Variants in PDZRN4 observed in about 807,000 individuals in gnomAD.
PDZRN4 encodes PDZ domain-containing RING finger protein 4.
A neutral mutation model predicts 99.0 loss-of-function variants in PDZRN4; 70 were observed. The observed-to-expected ratio is 0.71, with a 90% confidence interval of 0.58 to 0.86. The LOEUF is 0.86. Among genes scored for constraint, PDZRN4 ranks in the 40% least tolerant of loss-of-function variants. The probability of loss-of-function intolerance (pLI) is 0.00; values close to 1 mark genes in which losing one functional copy is unlikely to be tolerated. For synonymous variants in PDZRN4, 551 were observed against 501.6 expected (o/e 1.10, Z -1.32); for missense variants, 1,474 against 1,331.2 (o/e 1.11, Z -1.67).
intron 3 of PDZRN4, among the ~76,000 whole-genome samples, chr12:41,219,879 A>G (rs186136615): frequency 6.6e-6 from 1 of 152,246 alleles, no homozygotes; most frequent in Non-Finnish European, 1.5e-5. Flanking sequence ...TATAACCAAC[A>G]ACATTAATTG....
At chr12:41,192,091 T>A (rs1950739389) in intron 2 of PDZRN4, among the ~76,000 whole-genome samples, 2 of 152,168 alleles carry the variant, frequency 1.3e-5, no homozygotes, top group African/African-American at 4.8e-5. Flanking sequence ...CTGATTTTAT[T>A]ATTTTTTAAT....
At chr12:41,368,969 A>C (rs1049740632) in intron 3 of PDZRN4, among the ~76,000 whole-genome samples, 3 of 152,118 alleles carry the variant, frequency 2.0e-5, no homozygotes, top group African/African-American at 7.2e-5. Context: ...CCAATCTTGA[A>C]GGTAACTTTC....
chr12:41,261,473 T>A (rs1241792849), intron 3 of PDZRN4, among the ~76,000 whole-genome samples: 4 of 151,404 alleles, frequency 2.6e-5, no homozygotes, highest in Admixed American at 2.0e-4. Context: ...GGCAAAGTAG[T>A]TCTATTTCTC....
rs758928103 is a variant in PDZRN4, at chr12:41,552,763, C to G, written c.1302+9C>G. The stretch of plus-strand genomic sequence containing the variant: ...GCATTTATGTCAGCGAGGTAAGAAA[C>G]GCCATGGAGGGGAAATTCGAGGAGG... On this transcript the variant is annotated intron_variant, in intron 6 of 9. Coordinates refer to ENST00000402685, the MANE Select transcript of PDZRN4 (RefSeq NM_001164595.2). 6.2e-7 allele frequency: 1 copy of G among 1,604,598 alleles called. No homozygotes were observed. Among genetic ancestry groups the G allele is most frequent in the Non-Finnish European group, 8.5e-7 (1 of 1,171,698 alleles).
Position 41,188,847 on chromosome 12 carries a change from G to A in PDZRN4, c.392G>A (p.Gly131Glu), listed in dbSNP as rs1247232167. 2.4e-6 allele frequency: 3 copies of A among 1,263,544 alleles called. No individual in the cohort carries two copies. The highest frequency in any genetic ancestry group is 3.0e-6 in the Non-Finnish European group (3 of 1,005,570). The allele number at this position is 1,263,544 out of a possible 1,614,324, so 78.3% of individuals were successfully genotyped here. The change falls in exon 1 of 10, where the codon GGG becomes GAG. Residue 131 changes from glycine to glutamate, a missense_variant. Coordinates refer to ENST00000402685, the MANE Select transcript of PDZRN4 (RefSeq NM_001164595.2). ...GLGGGEVPAR[G>E]GCGPTPRAGR... ...GGCGGTGGTGAGGTGCCCGCGCGGG[G>A]GGGCTGCGGTCCGACACCCAGGGCT...
chr12:41,226,861 C>T (rs868826971), intron 3 of PDZRN4, among the ~76,000 whole-genome samples: 12 of 152,120 alleles, frequency 7.9e-5, no homozygotes, highest in African/African-American at 2.4e-4. Context: ...CCTCTGAAGA[C>T]CTATGCATAG....
At chr12:41,499,104 T>C (rs1938064987) in intron 3 of PDZRN4, among the ~76,000 whole-genome samples, 1 of 152,082 alleles carries the variant, frequency 6.6e-6, no homozygotes. Context: ...CCTGTAGACC[T>C]GGAGAGTGAA....
chr12:41,338,104 CTA>C (rs1951788945), intron 3 of PDZRN4, among the ~76,000 whole-genome samples: 1 of 151,992 alleles, frequency 6.6e-6, no homozygotes, highest in Non-Finnish European at 1.5e-5. Flanking sequence ...GTCTAGATGA[CTA>C]TTTATAATTA....
At chr12:41,362,211 C>T (rs999707018) in intron 3 of PDZRN4, among the ~76,000 whole-genome samples, 2 of 151,958 alleles carry the variant, frequency 1.3e-5, no homozygotes, top group Non-Finnish European at 2.9e-5. Flanking sequence ...CTGCCACAAT[C>T]ATCAAGTAGA....
chr12:41,231,420 A>G (rs1417921618), intron 3 of PDZRN4, among the ~76,000 whole-genome samples: 2 of 152,080 alleles, frequency 1.3e-5, no homozygotes, highest in African/African-American at 2.4e-5. Context: ...TGTGACACAC[A>G]TAACAGCAAA....
At chr12:41,514,983 G>C (rs974349021) in intron 5 of PDZRN4, among the ~76,000 whole-genome samples, 1 of 151,976 alleles carries the variant, frequency 6.6e-6, no homozygotes, top group African/African-American at 2.4e-5. Context: ...TATAAATTTG[G>C]CATGTTCTCT....
intron 3 of PDZRN4, among the ~76,000 whole-genome samples, chr12:41,224,808 T>C (rs1950981954): frequency 6.6e-6 from 1 of 152,144 alleles, no homozygotes; most frequent in African/African-American, 2.4e-5. Context: ...AATATTCCAA[T>C]TGCACAGATG....
intron 3 of PDZRN4, among the ~76,000 whole-genome samples, chr12:41,482,012 C>T (rs77994419): frequency 3.7e-4 from 56 of 152,166 alleles, no homozygotes; most frequent in Non-Finnish European, 6.5e-4. Flanking sequence ...ACATACCCCA[C>T]GAAAAATGGA....
intron 3 of PDZRN4, among the ~76,000 whole-genome samples, chr12:41,372,244 A>G (rs1254168820): frequency 2.0e-5 from 3 of 152,148 alleles, no homozygotes; most frequent in African/African-American, 7.2e-5. Context: ...TAATTATAAA[A>G]CCAGTTATAT....
intron 3 of PDZRN4, among the ~76,000 whole-genome samples, chr12:41,269,507 G>A (rs1174316256): frequency 6.6e-6 from 1 of 152,114 alleles, no homozygotes; most frequent in Admixed American, 6.6e-5. Context: ...AAAAAAGGGA[G>A]AGAAAACAAC....
At chr12:41,218,435 C>G (rs1363480078) in intron 3 of PDZRN4, among the ~76,000 whole-genome samples, 6 of 152,086 alleles carry the variant, frequency 3.9e-5, no homozygotes, top group Admixed American at 3.9e-4. Flanking sequence ...TCATTCTGTA[C>G]TATTAATCTG....
At chr12:41,453,255 C>T (rs1162957412) in intron 3 of PDZRN4, among the ~76,000 whole-genome samples, 1 of 152,126 alleles carries the variant, frequency 6.6e-6, no homozygotes, top group African/African-American at 2.4e-5. Flanking sequence ...TCTTCAGCAC[C>T]CACTGTGTAC....
At chr12:41,400,466 G>A (rs1203640123) in intron 3 of PDZRN4, among the ~76,000 whole-genome samples, 2 of 152,178 alleles carry the variant, frequency 1.3e-5, no homozygotes, top group Non-Finnish European at 2.9e-5. Flanking sequence ...CATCAAGGGT[G>A]CATTTTGGGC....
chr12:41,270,215 CAATT>C (rs1485474257), intron 3 of PDZRN4, among the ~76,000 whole-genome samples: 2 of 151,790 alleles, frequency 1.3e-5, no homozygotes, highest in Admixed American at 6.6e-5. Flanking sequence ...AGATTTTACT[CAATT>C]AACTCTGCAA....
Sources: gnomAD v4.1 joint callset for allele counts (sites outside exome capture counted in the v4.1 genomes callset) on GRCh38, gnomAD v4.1.1 for gene constraint, MANE v1.5 for transcripts, NCBI Gene and HGNC (gene_info 2026-07-23, HGNC 2026-07-21) for gene names.